PCDHGA6: variants seen among roughly 807,000 people sequenced by gnomAD.
PCDHGA6 encodes protocadherin gamma-A6.
PCDHGA6 carries 41 observed loss-of-function variants against 60.6 expected under a neutral mutation model. That is an observed-to-expected ratio of 0.68 (90% CI 0.53 to 0.88). The LOEUF (loss-of-function observed/expected upper bound fraction) is 0.88, where lower values mean the gene tolerates loss of function less well. PCDHGA6 is among the 40% of genes least tolerant of loss of function. PCDHGA6 has a pLI of 0.00. For synonymous variants in PCDHGA6, 594 were observed against 524.4 expected (o/e 1.13, Z -1.81); for missense variants, 1,312 against 1,203.0 (o/e 1.09, Z -1.34).
rs771858105 is a variant in PCDHGA6 at position 141,428,074 on chromosome 5, G to A, written c.2424+51567G>A. 4.4e-6 allele frequency: 7 copies of A among 1,609,112 alleles called. No homozygotes were observed. The African/African-American group carries it at 5.3e-5, about 12-fold the overall frequency. On this transcript the variant is annotated intron_variant, in intron 1 of 3. Transcript: ENST00000517434. The stretch of plus-strand genomic sequence containing the variant: ...GTGGTGGCGGTGGACGCAGATTCGG[G>A]ACACAACGCTTGGCTGTCCTACCAC...
At chr5:141,440,763 T>A (rs2098198978) in intron 1 of PCDHGA6, 1 of 152,138 alleles carries the variant, frequency 6.6e-6, no homozygotes, top group Admixed American at 6.6e-5. Flanking sequence ...AGAGCTCCCA[T>A]CCCTTAGTGC....
At position 141,485,566 on chromosome 5, in the gene PCDHGA6, C is replaced by T. The variant is rs768144422; in HGVS notation, c.2425-9241C>T. The T allele has an allele frequency of 6.2e-7, 1 of 1,612,926 alleles. No homozygotes were observed. Among genetic ancestry groups the T allele is most frequent in the African/African-American group, 1.3e-5 (1 of 75,016 alleles). ...TCGTAGATGTGAATGATCACGCCCC[C>T]CGTTTTCCGCGGCAGCAGCTGGACT... On this transcript the variant is annotated intron_variant, in intron 1 of 3. Transcript: ENST00000517434. The surrounding 1 kb of genome is among the most constrained non-coding windows in gnomAD (Gnocchi z 5.7).
At chr5:141,417,872 T>G (rs2096175848) in intron 1 of PCDHGA6, 5 of 1,555,026 alleles carry the variant, frequency 3.2e-6, no homozygotes, top group African/African-American at 1.4e-5. Flanking sequence ...GGGAGGGAGC[T>G]GCGCGCAGAG....
At chr5:141,415,185 C>G (rs375113497) in intron 1 of PCDHGA6, 66 of 1,613,860 alleles carry the variant, frequency 4.1e-5, no homozygotes, top group Non-Finnish European at 5.4e-5. Flanking sequence ...CCGTGGCCGA[C>G]AGCATCCCCC....
At chr5:141,484,968 C>A (rs2099604490) in intron 1 of PCDHGA6, 2 of 585,734 alleles carry the variant, frequency 3.4e-6, no homozygotes, top group African/African-American at 3.7e-5. Context: ...GCCCGGGAGC[C>A]GCTGTCTGCC....
At chr5:141,409,908 C>T (rs1255447661) in intron 1 of PCDHGA6, 1 of 1,613,204 alleles carries the variant, frequency 6.2e-7, no homozygotes, top group Non-Finnish European at 8.5e-7. Context: ...GCTCTGGGTC[C>T]TGACGGCTCC....
chr5:141,498,578 G>T (rs1404493166), intron 2 of PCDHGA6, among the ~76,000 whole-genome samples: 1 of 152,048 alleles, frequency 6.6e-6, no homozygotes, highest in African/African-American at 2.4e-5. Flanking sequence ...CTAGTATTGA[G>T]TTCTTCAGTA....
chr5:141,395,221 A>G, intron 1 of PCDHGA6: 1 of 1,611,672 alleles, frequency 6.2e-7, no homozygotes, highest in Non-Finnish European at 8.5e-7. Context: ...TATAAGAATG[A>G]AGCTGATCAT....
intron 1 of PCDHGA6, among the ~76,000 whole-genome samples, chr5:141,462,430 T>C (rs1471523013): frequency 2.0e-5 from 3 of 152,230 alleles, no homozygotes; most frequent in African/African-American, 4.8e-5. Flanking sequence ...TTGGTGAGTG[T>C]TGCTTACACA....
intron 1 of PCDHGA6, among the ~76,000 whole-genome samples, chr5:141,425,257 G>A (rs746250240): frequency 6.6e-6 from 1 of 152,152 alleles, no homozygotes; most frequent in Non-Finnish European, 1.5e-5. Context: ...TGAGGTATTT[G>A]GCTGGGAAAA....
In PCDHGA6 at chr5:141,490,023, G is replaced by A. The variant is rs1306715385; in HGVS notation, c.2425-4784G>A. The A allele has an allele frequency of 1.2e-6, 2 of 1,614,134 alleles. No homozygotes were observed. Among genetic ancestry groups the A allele is most frequent in the Non-Finnish European group, 1.7e-6 (2 of 1,180,060 alleles). On this transcript the variant is annotated intron_variant, in intron 1 of 3. Transcript: ENST00000517434. This position sits in a 1 kb window ranked among gnomAD's most constrained non-coding sequence, Gnocchi z 5.4. ...AGAATGCACCCATTGGTACTCTGCT[G>A]CTCCGCCTCAATGCCACTGATCCAG... is the stretch of plus-strand genomic sequence containing the variant.
rs768907590 is a variant in PCDHGA6, at chr5:141,422,045, G to C, written c.2424+45538G>C. Reference sequence around the variant, plus strand: ...GTTAATGCAACGGATCCAGACGAGGGAATCAACGGGGAAGTAATGTATTCA... The same window carrying C: ...GTTAATGCAACGGATCCAGACGAGGCAATCAACGGGGAAGTAATGTATTCA... On this transcript the variant is annotated intron_variant, in intron 1 of 3. Transcript: ENST00000517434. 1.5e-5 allele frequency: 24 copies of C among 1,611,434 alleles called. No individual in the cohort carries two copies. The Admixed American group carries it at 3.9e-4, about 26-fold the overall frequency.
chr5:141,489,342 A>G lies in PCDHGA6; in HGVS notation c.2425-5465A>G. 3.7e-6 allele frequency: 6 copies of G among 1,609,084 alleles called. No homozygotes were observed. The Middle Eastern group carries it at 6.6e-4, about 178-fold the overall frequency. On this transcript the variant is annotated intron_variant, in intron 1 of 3. Transcript: ENST00000517434. The surrounding 1 kb of genome is among the most constrained non-coding windows in gnomAD (Gnocchi z 4.5). ...GGGTGTCTGGGCAGCTTCGTTACTCAGTGGTGGAGGAGTCTGAGCCGGGGA... is the reference window on the plus strand; with the variant it reads ...GGGTGTCTGGGCAGCTTCGTTACTCGGTGGTGGAGGAGTCTGAGCCGGGGA...
chr5:141,505,891 G>A (rs541853565), intron 3 of PCDHGA6, among the ~76,000 whole-genome samples: 9 of 152,288 alleles, frequency 5.9e-5, no homozygotes, highest in Admixed American at 5.9e-4. Context: ...GATTAAATGA[G>A]ATGATACCAC....
At chr5:141,404,593 A>G in intron 1 of PCDHGA6, 1 of 1,614,080 alleles carries the variant, frequency 6.2e-7, no homozygotes, top group Non-Finnish European at 8.5e-7. Context: ...GCAATGTGTC[A>G]TTGAGACTGT....
chr5:141,466,989 G>C, intron 1 of PCDHGA6, among the ~76,000 whole-genome samples: 1 of 150,922 alleles, frequency 6.6e-6, no homozygotes. Context: ...TTTACCTTTT[G>C]GCATTTTTTT....
Position 141,489,091 on chromosome 5 carries a change from T to A in PCDHGA6, c.2425-5716T>A. 1.9e-4 allele frequency: 63 copies of A among 332,802 alleles called. No individual in the cohort carries two copies. Among genetic ancestry groups the A allele is most frequent in the East Asian group, 2.9e-4 (6 of 20,542 alleles). The allele number at this position is 332,802 out of a possible 1,614,324, so 20.6% of individuals were successfully genotyped here. A position where few individuals can be genotyped will look rare whatever the true frequency, so the allele number is the denominator to read the frequency against. ...CTGCCCACCCCCGCCACTCGGTGAC[T>A]AAGAACTGCTGCAAGCAGGCAAACC... On this transcript the variant is annotated intron_variant, in intron 1 of 3. Transcript: ENST00000517434. This position sits in a 1 kb window ranked among gnomAD's most constrained non-coding sequence, Gnocchi z 4.5.
intron 1 of PCDHGA6, chr5:141,389,148 G>A (rs749167212): frequency 6.2e-7 from 1 of 1,613,996 alleles, no homozygotes. Context: ...AACCGTTACG[G>A]CAACAGATCG....
chr5:141,483,833 G>A (rs964111814), intron 1 of PCDHGA6, among the ~76,000 whole-genome samples: 1 of 152,116 alleles, frequency 6.6e-6, no homozygotes, highest in Admixed American at 6.5e-5. Flanking sequence ...CCTAGGTAAG[G>A]ACTTGGTTGA....
Sources: allele counts gnomAD v4.1 joint callset (sites outside exome capture counted in the v4.1 genomes callset), GRCh38; gene constraint gnomAD v4.1.1; non-coding constraint Gnocchi (gnomAD v3.1); transcripts MANE v1.5; gene names NCBI Gene and HGNC (gene_info 2026-07-23, HGNC 2026-07-21).